ADGRB3: variants seen among roughly 807,000 people sequenced by gnomAD.
ADGRB3 encodes brain-specific angiogenesis inhibitor 3.
A neutral mutation model predicts 193.4 loss-of-function variants in ADGRB3; 37 were observed. The observed-to-expected ratio is 0.19, with a 90% CI of 0.15 to 0.25. The LOEUF is 0.25. Ranked by LOEUF, ADGRB3 falls within the 10% of genes least tolerant of loss-of-function variation. The probability of loss-of-function intolerance (pLI) is 1.00; values close to 1 mark genes in which losing one functional copy is unlikely to be tolerated. For missense variants in ADGRB3, 1,637 were observed against 1,852.9 expected (o/e 0.88, Z 2.14); for synonymous variants, 690 against 644.2 (o/e 1.07, Z -1.08).
chr6:68,655,452 G>T (rs1768469630), intron 3 of ADGRB3, among the ~76,000 whole-genome samples: 1 of 151,600 alleles, frequency 6.6e-6, no homozygotes, highest in East Asian at 1.9e-4. Flanking sequence ...CATTAATTGG[G>T]TAATCCTGGA....
intron 17 of ADGRB3, among the ~76,000 whole-genome samples, chr6:69,167,865 A>T (rs958668445): frequency 1.3e-5 from 2 of 152,058 alleles, no homozygotes; most frequent in African/African-American, 4.8e-5. Context: ...GGGGACTTGC[A>T]CTGGGGTGGT....
intron 8 of ADGRB3, among the ~76,000 whole-genome samples, chr6:68,965,567 T>C (rs13191240): frequency 0.046 from 6,940 of 152,264 alleles, 166 homozygotes; most frequent in Non-Finnish European, 0.055. Context: ...AAGCCCTGTA[T>C]CATTTCTGCT....
intron 26 of ADGRB3, among the ~76,000 whole-genome samples, chr6:69,345,801 G>T (rs1363373501): frequency 6.6e-6 from 1 of 152,178 alleles, no homozygotes; most frequent in Non-Finnish European, 1.5e-5. Context: ...AACAGGAAGA[G>T]AGGAAGTCAA....
intron 3 of ADGRB3, among the ~76,000 whole-genome samples, chr6:68,657,978 T>C (rs1255943338): frequency 6.6e-6 from 1 of 151,412 alleles, no homozygotes; most frequent in Non-Finnish European, 1.5e-5. Context: ...AGTAGATATT[T>C]TGAGAATTCA....
At position 69,157,791 on chromosome 6, in the gene ADGRB3, G is replaced by A. The variant is rs368358796; in HGVS notation, c.2481-75499G>A. ...AAATGAGAAATTGATGGTTAGAATG[G>A]TGGCAACCAACTTATGACAATAAAA... On this transcript the variant is annotated intron_variant, in intron 17 of 31. Coordinates refer to ENST00000370598, the MANE Select transcript of ADGRB3 (RefSeq NM_001704.3). Among the ~76,000 whole-genome samples the A allele has an allele frequency of 1.2e-3, 187 of 151,966 alleles. 2 individuals carry two copies. In the South Asian group the frequency reaches 0.031, roughly 25 times the overall value.
chr6:68,775,896 A>T (rs1425200691), intron 3 of ADGRB3, among the ~76,000 whole-genome samples: 1 of 152,156 alleles, frequency 6.6e-6, no homozygotes, highest in Non-Finnish European at 1.5e-5. Context: ...ATTTACTATA[A>T]AGCCATTGTA....
At chr6:69,279,785 A>G (rs895444916) in intron 20 of ADGRB3, among the ~76,000 whole-genome samples, 1 of 152,078 alleles carries the variant, frequency 6.6e-6, no homozygotes. Context: ...GAAATTAAGG[A>G]GGGAGATACT....
intron 17 of ADGRB3, among the ~76,000 whole-genome samples, chr6:69,094,472 A>G (rs1772807646): frequency 6.6e-6 from 1 of 152,222 alleles, no homozygotes; most frequent in Non-Finnish European, 1.5e-5. Flanking sequence ...CAAACAGACT[A>G]ACACACAAAT....
chr6:69,362,923 AATAAC>A (rs1233580119), intron 29 of ADGRB3, among the ~76,000 whole-genome samples: 3 of 152,052 alleles, frequency 2.0e-5, no homozygotes, highest in East Asian at 3.9e-4. Flanking sequence ...GTGTGCATAT[AATAAC>A]ATAACATTAT....
At chr6:69,102,661 G>T (rs1773098288) in intron 17 of ADGRB3, among the ~76,000 whole-genome samples, 1 of 152,182 alleles carries the variant, frequency 6.6e-6, no homozygotes, top group Non-Finnish European at 1.5e-5. Flanking sequence ...AACTGGCGGA[G>T]CCCAAGTGAA....
At chr6:69,158,435 C>CAAA (rs371530711) in intron 17 of ADGRB3, among the ~76,000 whole-genome samples, 12,650 of 146,254 alleles carry the variant, frequency 0.086, 647 homozygotes, top group Middle Eastern at 0.2. Context: ...AAAGTTCAGC[C>CAAA]AAAAAAAAAA....
intron 17 of ADGRB3, among the ~76,000 whole-genome samples, chr6:69,137,376 T>G (rs76592706): frequency 2.0e-3 from 299 of 152,216 alleles, no homozygotes; most frequent in Non-Finnish European, 2.9e-3. Flanking sequence ...TGTGTTTTTT[T>G]TTTGGATCAT....
chr6:68,789,976 G>C (rs1767067341), intron 3 of ADGRB3, among the ~76,000 whole-genome samples: 1 of 152,108 alleles, frequency 6.6e-6, no homozygotes, highest in African/African-American at 2.4e-5. Flanking sequence ...TTGTCACGTA[G>C]CTCTTATGCC....
chr6:68,719,163 T>C (rs570430851), intron 3 of ADGRB3, among the ~76,000 whole-genome samples: 4 of 151,872 alleles, frequency 2.6e-5, no homozygotes, highest in African/African-American at 9.6e-5. Flanking sequence ...AAATATAAAC[T>C]CTTTTTCTAT....
intron 16 of ADGRB3, among the ~76,000 whole-genome samples, chr6:69,063,769 T>C (rs1582433257): frequency 6.6e-6 from 1 of 152,166 alleles, no homozygotes; most frequent in South Asian, 2.1e-4. Flanking sequence ...TTTTGTTCAG[T>C]CCTCTGTACA....
rs752516640 is a variant in ADGRB3 at position 69,239,088 on chromosome 6, A to AT, written c.2712-32dup. 2.8e-5 allele frequency: 36 copies of AT among 1,295,638 alleles called. No individual in the cohort carries two copies. The African/African-American group carries it at 4.9e-4, about 18-fold the overall frequency. The allele number at this position is 1,295,638 out of a possible 1,614,324, so 80.3% of individuals were successfully genotyped here. On this transcript the variant is annotated intron_variant, in intron 19 of 31. Coordinates refer to ENST00000370598, the MANE Select transcript of ADGRB3 (RefSeq NM_001704.3). ...ATATAATTCTTCATCTTTCTGTTGG[A>AT]TTTTAAAGTTGGGTAACTTTTCTCT...
At chr6:69,154,007 A>G (rs4706883) in intron 17 of ADGRB3, among the ~76,000 whole-genome samples, 1 of 151,972 alleles carries the variant, frequency 6.6e-6, no homozygotes, top group South Asian at 2.1e-4. Context: ...AAAAAGAAAC[A>G]TAAGAATAAA....
chr6:68,919,371 G>A (rs1766964986), intron 3 of ADGRB3, among the ~76,000 whole-genome samples: 1 of 152,150 alleles, frequency 6.6e-6, no homozygotes, highest in Non-Finnish European at 1.5e-5. Flanking sequence ...GGTCTCCTAA[G>A]GGAAATGATT....
At chr6:69,172,959 G>A (rs1182135203) in intron 17 of ADGRB3, among the ~76,000 whole-genome samples, 2 of 152,234 alleles carry the variant, frequency 1.3e-5, no homozygotes, top group Non-Finnish European at 2.9e-5. Context: ...AGAGACAGGA[G>A]TTATAGGCAG....
Sources: allele counts gnomAD v4.1 joint callset (sites outside exome capture counted in the v4.1 genomes callset), GRCh38; gene constraint gnomAD v4.1.1; transcripts MANE v1.5; gene names NCBI Gene and HGNC (gene_info 2026-07-23, HGNC 2026-07-21).